PPM1D: variants seen among roughly 807,000 people sequenced by gnomAD.
The protein encoded by PPM1D is protein phosphatase 1D.
In PPM1D, 52 loss-of-function variants were observed where a neutral mutation model predicts 58.3. That is an observed-to-expected ratio of 0.89 (90% CI 0.71 to 1.12). PPM1D has a LOEUF of 1.12. Ranked by LOEUF, PPM1D falls within the 50% of genes most tolerant of loss-of-function variation. The pLI is 0.00. For synonymous variants in PPM1D, 278 were observed against 285.1 expected, an observed-to-expected ratio of 0.98 and a Z score of 0.25; for missense variants, 564 against 777.2, an observed-to-expected ratio of 0.73 and a Z score of 3.26.
chr17:60,635,456 C>CTG (rs1362436495), intron 3 of PPM1D, among the ~76,000 whole-genome samples: 1 of 152,184 alleles, frequency 6.6e-6, no homozygotes, highest in Non-Finnish European at 1.5e-5. Context: ...CTCAGGTGAT[C>CTG]TGCCCGCCTT....
chr17:60,627,767 C>A (rs543122263), intron 2 of PPM1D, among the ~76,000 whole-genome samples: 12 of 152,040 alleles, frequency 7.9e-5, no homozygotes, highest in African/African-American at 4.8e-5. Context: ...GTCTTTGATA[C>A]TGTTTCAAAA....
intron 1 of PPM1D, among the ~76,000 whole-genome samples, chr17:60,622,983 G>A (rs1453743230): frequency 6.6e-6 from 1 of 152,186 alleles, no homozygotes; most frequent in Non-Finnish European, 1.5e-5. Flanking sequence ...TGTAATACCA[G>A]CTACTCGAGA....
In PPM1D at chr17:60,600,439, G is replaced by A; in HGVS notation, c.25G>A (p.Val9Met). 3.2e-6 allele frequency: 5 copies of A among 1,557,232 alleles called. No individual in the cohort carries two copies. The highest frequency in any genetic ancestry group is 4.3e-6 in the Non-Finnish European group (5 of 1,150,324). ...CATGGCGGGGCTGTACTCGCTGGGA[G>A]TGAGCGTCTTCTCCGACCAGGGCGG... MAGLYSLG[V>M]SVFSDQGGRK... The change falls in exon 1 of 6, where the codon GTG becomes ATG. Residue 9 changes from valine (V) to methionine (M), a missense_variant. By Grantham distance (21) the Val-to-Met change is conservative. Coordinates refer to ENST00000305921, the MANE Select transcript of PPM1D (RefSeq NM_003620.4).
intron 1 of PPM1D, among the ~76,000 whole-genome samples, chr17:60,607,379 T>C (rs2030353213): frequency 6.6e-6 from 1 of 151,884 alleles, no homozygotes; most frequent in Non-Finnish European, 1.5e-5. Flanking sequence ...ACCTCCCGGG[T>C]TCAAGCGATT....
At chr17:60,629,295 T>C (rs999965225) in intron 2 of PPM1D, among the ~76,000 whole-genome samples, 1 of 152,274 alleles carries the variant, frequency 6.6e-6, no homozygotes, top group Admixed American at 6.5e-5. Context: ...AGTCATGTGC[T>C]ATTTATTACA....
Position 60,663,653 on chromosome 17 carries a change from G to T in PPM1D, c.*101G>T, listed in dbSNP as rs150110957. 66 of 1,249,432 alleles carry T rather than the reference G, an allele frequency of 5.3e-5. No homozygotes were observed. The highest frequency in any genetic ancestry group is 6.9e-5 in the Non-Finnish European group (63 of 919,028). The allele number at this position is 1,249,432 out of a possible 1,614,324, so 77.4% of individuals were successfully genotyped here. On this transcript the variant is annotated 3_prime_UTR_variant, in exon 6 of 6. Transcript: ENST00000305921. ...TTTTTTTAAGGGGAGAAAATTAAAA[G>T]AAATATACAGTTTGACTTTTTGGAA...
intron 3 of PPM1D, among the ~76,000 whole-genome samples, chr17:60,636,909 C>T (rs1377272811): frequency 1.3e-5 from 2 of 151,530 alleles, no homozygotes; most frequent in East Asian, 1.9e-4. Flanking sequence ...TGGCTTCAAG[C>T]GATCTGCCCA....
chr17:60,635,245 T>A (rs930728297), intron 3 of PPM1D, among the ~76,000 whole-genome samples: 3 of 152,122 alleles, frequency 2.0e-5, no homozygotes, highest in Non-Finnish European at 4.4e-5. Context: ...AATGGAGTTT[T>A]ACTCTTGTTC....
chr17:60,619,376 T>C (rs2030651773), intron 1 of PPM1D, among the ~76,000 whole-genome samples: 1 of 152,188 alleles, frequency 6.6e-6, no homozygotes, highest in South Asian at 2.1e-4. Context: ...GAGAGACTGA[T>C]TTCATTTTCT....
At chr17:60,648,233 T>C (rs1443785215) in intron 4 of PPM1D, 151 bp downstream of exon 4, 10 of 717,272 alleles carry the variant, frequency 1.4e-5, no homozygotes, top group Non-Finnish European at 2.2e-5. Context: ...GCTTTGTAGC[T>C]CCTAATCATT....
Position 60,600,489 on chromosome 17 carries a change from T to G in PPM1D, c.75T>G (p.Thr25=). 6.4e-7 allele frequency: 1 copy of G among 1,573,730 alleles called. No homozygotes were observed. The highest frequency in any genetic ancestry group is 8.6e-7 in the Non-Finnish European group (1 of 1,159,944). ...GGAGGAAGTACATGGAGGACGTTAC[T>G]CAAATCGTTGTGGAGCCCGAACCGA... ...QGGRKYMEDV[T]QIVVEPEPTA... Residue 25 remains threonine, a synonymous_variant, in exon 1 of 6, where the codon ACT becomes ACG. Coordinates refer to ENST00000305921, the MANE Select transcript of PPM1D (RefSeq NM_003620.4).
At chr17:60,634,016 T>G (rs775566479) in intron 3 of PPM1D, 39 bp downstream of exon 3, 71 of 1,603,380 alleles carry the variant, frequency 4.4e-5, no homozygotes, top group Non-Finnish European at 6.0e-5. Context: ...TATTGAATTT[T>G]CTACAATATA....
rs1054037301 is a variant in PPM1D, at chr17:60,665,928, A to G, written c.*2376A>G. On this transcript the variant is annotated 3_prime_UTR_variant, in exon 6 of 6. Transcript: ENST00000305921. ...ACCGGAGGGCAAGGAAGAAGCCATG[A>G]TGTTTTTTGTAACCTAGCCTCTGAA... The G allele has an allele frequency of 2.0e-5, 3 of 152,198 alleles. No homozygotes were observed. Among genetic ancestry groups the G allele is most frequent in the Non-Finnish European group, 2.9e-5 (2 of 68,030 alleles). 9.4% of individuals were successfully genotyped at this position (152,198 alleles called of 1,614,324 possible).
chr17:60,657,076 C>T, intron 5 of PPM1D: 2 of 1,398,672 alleles, frequency 1.4e-6, no homozygotes, highest in South Asian at 1.5e-5. Flanking sequence ...TTATTGTTTG[C>T]CATCTAATGC....
At chr17:60,646,609 A>C (rs2031254875) in intron 3 of PPM1D, among the ~76,000 whole-genome samples, 1 of 152,132 alleles carries the variant, frequency 6.6e-6, no homozygotes, top group Non-Finnish European at 1.5e-5. Flanking sequence ...ATATTGTTTC[A>C]TTTATGTTGT....
chr17:60,606,888 C>T (rs2030340394), intron 1 of PPM1D, among the ~76,000 whole-genome samples: 1 of 152,042 alleles, frequency 6.6e-6, no homozygotes, highest in Admixed American at 6.6e-5. Context: ...CCTTGACTTC[C>T]TTGGCTCAAG....
At chr17:60,635,271 A>C (rs2031001904) in intron 3 of PPM1D, among the ~76,000 whole-genome samples, 2 of 151,452 alleles carry the variant, frequency 1.3e-5, no homozygotes, top group Non-Finnish European at 2.9e-5. Flanking sequence ...GCTGGAGTGC[A>C]GTGGTGCAGT....
intron 1 of PPM1D, among the ~76,000 whole-genome samples, chr17:60,610,907 A>C (rs983680358): frequency 2.0e-5 from 3 of 152,236 alleles, no homozygotes; most frequent in Non-Finnish European, 4.4e-5. Flanking sequence ...GGAGAGTATC[A>C]TTCTTTCACC....
intron 2 of PPM1D, among the ~76,000 whole-genome samples, chr17:60,625,304 T>C (rs897269454): frequency 4.6e-5 from 7 of 152,212 alleles, no homozygotes; most frequent in Non-Finnish European, 7.3e-5. Context: ...TTTCCTGTTA[T>C]TAGATTAGGA....
Sources: allele counts gnomAD v4.1 joint callset (sites outside exome capture counted in the v4.1 genomes callset), GRCh38; gene constraint gnomAD v4.1.1; transcripts MANE v1.5; gene names NCBI Gene and HGNC (gene_info 2026-07-23, HGNC 2026-07-21).